Variants in UBE2W observed in about 807,000 individuals in gnomAD.
UBE2W encodes ubiquitin conjugating enzyme E2 W.
A neutral mutation model predicts 27.2 loss-of-function variants in UBE2W; 18 were observed. The ratio of observed to expected loss-of-function variants is 0.66; its 90% confidence interval spans 0.46 to 0.98. The LOEUF (loss-of-function observed/expected upper bound fraction) is 0.98, where lower values mean the gene tolerates loss of function less well. Ranked by LOEUF, UBE2W falls within the 50% of genes least tolerant of loss-of-function variation. The pLI, the probability that UBE2W is intolerant of heterozygous loss-of-function variation, is 0.00. For synonymous variants in UBE2W, 53 were observed against 57.2 expected (o/e 0.93, Z 0.33); for missense variants, 90 against 180.2 (o/e 0.50, Z 2.87).
chr8:73,854,312 C>G (rs1811198626), intron 1 of UBE2W, among the ~76,000 whole-genome samples: 1 of 152,056 alleles, frequency 6.6e-6, no homozygotes, highest in African/African-American at 2.4e-5. Context: ...AACAGTAGAT[C>G]ATGGCATATT....
intron 2 of UBE2W, among the ~76,000 whole-genome samples, chr8:73,825,613 C>T (rs1809804624): frequency 6.6e-6 from 1 of 152,150 alleles, no homozygotes; most frequent in Non-Finnish European, 1.5e-5. Context: ...ACCAGCCTGA[C>T]CAACATGGTG....
At chr8:73,877,275 C>T (rs553015013) in intron 1 of UBE2W, among the ~76,000 whole-genome samples, 15 of 152,180 alleles carry the variant, frequency 9.9e-5, no homozygotes, top group Non-Finnish European at 1.5e-4. Flanking sequence ...CTTTTTTGGC[C>T]TCAAATGACG....
intron 1 of UBE2W, among the ~76,000 whole-genome samples, chr8:73,847,660 G>C (rs1810872234): frequency 6.6e-6 from 1 of 152,140 alleles, no homozygotes; most frequent in Non-Finnish European, 1.5e-5. Flanking sequence ...CCAGCACTTT[G>C]GGAGGCCAAG....
In UBE2W at chr8:73,789,187, C is replaced by T. The variant is rs1223742864; in HGVS notation, c.*4915G>A. The T allele has an allele frequency of 1.0e-6, 1 of 984,496 alleles. No homozygotes were observed. Among genetic ancestry groups the T allele is most frequent in the East Asian group, 1.1e-4 (1 of 8,794 alleles). 61.0% of individuals were successfully genotyped at this position (984,496 alleles called of 1,614,324 possible). A position where few individuals can be genotyped will look rare whatever the true frequency, so the allele number is the denominator to read the frequency against. ...CATAAACCTGTCTTAAATCGGCAAA[C>T]AGACGAGGCATGGTGGCTTGCACCT... On this transcript the variant is annotated 3_prime_UTR_variant, in exon 6 of 6. Transcript: ENST00000602593.
chr8:73,830,432 G>T lies in UBE2W; in HGVS notation c.56C>A (p.Pro19Gln). The change falls in exon 2 of 6, where the codon CCA (proline) becomes CAA (glutamine). Residue 19 changes from proline to glutamine, a missense_variant. Pro to Gln is a moderately conservative substitution (Grantham distance 76). Coordinates refer to ENST00000602593, the MANE Select transcript of UBE2W (RefSeq NM_018299.6). Reference sequence around the variant, plus strand: ...CTCATTTAAGGTCATTCCAGGAGGTGGGTCATTTTGCAAAGCCAACAGTTC... The same window carrying T: ...CTCATTTAAGGTCATTCCAGGAGGTTGGTCATTTTGCAAAGCCAACAGTTC... Reference protein sequence around the residue: ...QKELLALQNDPPPGMTLNEKS... With the variant: ...QKELLALQNDQPPGMTLNEKS... 6.2e-7 allele frequency: 1 copy of T among 1,613,762 alleles called. No individual in the cohort carries two copies. Among genetic ancestry groups the T allele is most frequent in the Non-Finnish European group, 8.5e-7 (1 of 1,179,766 alleles).
At chr8:73,844,940 C>T in intron 1 of UBE2W, among the ~76,000 whole-genome samples, 1 of 151,540 alleles carries the variant, frequency 6.6e-6, no homozygotes, top group African/African-American at 2.4e-5. Flanking sequence ...GTGAGGAGCC[C>T]CTCCGCCTGG....
intron 1 of UBE2W, among the ~76,000 whole-genome samples, chr8:73,843,778 C>T (rs1319415194): frequency 2.8e-5 from 1 of 35,854 alleles, no homozygotes; most frequent in Non-Finnish European, 4.7e-5. Context: ...GGTAGAGACA[C>T]CAAAAAAAAA....
intron 4 of UBE2W, among the ~76,000 whole-genome samples, chr8:73,807,113 A>G (rs1354268586): frequency 1.3e-5 from 2 of 152,238 alleles, no homozygotes; most frequent in African/African-American, 4.8e-5. Flanking sequence ...AAGCTATATT[A>G]AAGTTTATAG....
chr8:73,786,528 A>T lies in UBE2W; in HGVS notation c.*7574T>A. 2.0e-6 allele frequency: 2 copies of T among 985,500 alleles called. No homozygotes were observed. The highest frequency in any genetic ancestry group is 2.4e-6 in the Non-Finnish European group (2 of 829,942). The allele number at this position is 985,500 out of a possible 1,614,324, so 61.0% of individuals were successfully genotyped here. On this transcript the variant is annotated 3_prime_UTR_variant, in exon 6 of 6. Coordinates refer to ENST00000602593, the MANE Select transcript of UBE2W (RefSeq NM_018299.6). The stretch of plus-strand genomic sequence containing the variant: ...AAAAAGTTCAGGATAGATGACTGGT[A>T]GGGAGAGAAGAAAGGACAAGGATGA...
intron 5 of UBE2W, among the ~76,000 whole-genome samples, chr8:73,800,079 C>T (rs1173778708): frequency 5.3e-5 from 8 of 152,196 alleles, no homozygotes; most frequent in East Asian, 1.9e-4. Flanking sequence ...CTATTATTCA[C>T]ATTGCCTGTG....
chr8:73,822,954 CTTT>C (rs1481930430), intron 3 of UBE2W, among the ~76,000 whole-genome samples: 1 of 152,016 alleles, frequency 6.6e-6, no homozygotes, highest in African/African-American at 2.4e-5. Flanking sequence ...ACAAAATGTT[CTTT>C]GTTATTGGAA....
At position 73,793,625 on chromosome 8, in the gene UBE2W, T is replaced by C; in HGVS notation, c.*477A>G. 1.0e-6 allele frequency: 1 copy of C among 986,546 alleles called. No individual in the cohort carries two copies. Among genetic ancestry groups the C allele is most frequent in the Non-Finnish European group, 1.2e-6 (1 of 830,458 alleles). 61.1% of individuals were successfully genotyped at this position (986,546 alleles called of 1,614,324 possible). A position where few individuals can be genotyped will look rare whatever the true frequency, so the allele number is the denominator to read the frequency against. The stretch of plus-strand genomic sequence containing the variant: ...AGTTGGGGTGACTTTTAAAGTAATG[T>C]TGGATCCCTCACTTTATTTATATTC... On this transcript the variant is annotated 3_prime_UTR_variant, in exon 6 of 6. Transcript: ENST00000602593.
At chr8:73,842,587 AAAT>A (rs1334768095) in intron 1 of UBE2W, among the ~76,000 whole-genome samples, 2 of 151,566 alleles carry the variant, frequency 1.3e-5, no homozygotes, top group East Asian at 3.9e-4. Context: ...CTGACAAAAA[AAAT>A]AATAAAGAAC....
At chr8:73,847,663 A>G (rs1474228929) in intron 1 of UBE2W, among the ~76,000 whole-genome samples, 2 of 152,142 alleles carry the variant, frequency 1.3e-5, no homozygotes, top group African/African-American at 4.8e-5. Flanking sequence ...GCACTTTGGG[A>G]GGCCAAGGCA....
intron 1 of UBE2W, among the ~76,000 whole-genome samples, chr8:73,839,756 T>C (rs1472855569): frequency 2.3e-5 from 3 of 127,676 alleles, no homozygotes; most frequent in African/African-American, 6.3e-5. Flanking sequence ...TGAAACAGAA[T>C]CTTGCTCTGC....
At chr8:73,857,359 CAT>C (rs1378328824) in intron 1 of UBE2W, among the ~76,000 whole-genome samples, 1 of 152,108 alleles carries the variant, frequency 6.6e-6, no homozygotes, top group African/African-American at 2.4e-5. Flanking sequence ...GTATCTCATA[CAT>C]AGAGAACTGA....
At position 73,789,110 on chromosome 8, in the gene UBE2W, T is replaced by C. The variant is rs1563562963; in HGVS notation, c.*4992A>G. 1 of 985,132 alleles carries C rather than the reference T, an allele frequency of 1.0e-6. No homozygotes were observed. Among genetic ancestry groups the C allele is most frequent in the Non-Finnish European group, 1.2e-6 (1 of 829,872 alleles). The allele number at this position is 985,132 out of a possible 1,614,324, so 61.0% of individuals were successfully genotyped here. ...AACTTCAACTTTCAGGATAGAGAGCTAAGTTTCAAGTACATGTCTAGATTC... is the reference window on the plus strand; with the variant it reads ...AACTTCAACTTTCAGGATAGAGAGCCAAGTTTCAAGTACATGTCTAGATTC... On this transcript the variant is annotated 3_prime_UTR_variant, in exon 6 of 6. Transcript: ENST00000602593.
intron 5 of UBE2W, among the ~76,000 whole-genome samples, chr8:73,797,638 T>C (rs1281463743): frequency 1.3e-5 from 2 of 152,192 alleles, no homozygotes; most frequent in Non-Finnish European, 2.9e-5. Context: ...TCTGAGACAA[T>C]TTTATGCTTC....
At chr8:73,870,422 G>A in intron 1 of UBE2W, 1 of 895,698 alleles carries the variant, frequency 1.1e-6, no homozygotes, top group East Asian at 2.7e-5. Context: ...GCATCTAGTA[G>A]AGCTAGCTTA....
Sources: allele counts gnomAD v4.1 joint callset (sites outside exome capture counted in the v4.1 genomes callset), GRCh38; gene constraint gnomAD v4.1.1; transcripts MANE v1.5; gene names NCBI Gene and HGNC (gene_info 2026-07-23, HGNC 2026-07-21).